Variants in GRM7 observed in about 807,000 individuals in gnomAD.
GRM7 encodes the protein metabotropic glutamate receptor 7.
A neutral mutation model predicts 84.5 loss-of-function variants in GRM7; 35 were observed. The ratio of observed to expected loss-of-function variants is 0.41; its 90% CI spans 0.32 to 0.55. GRM7 has a LOEUF of 0.55. Ranked by LOEUF, GRM7 falls within the 20% of genes least tolerant of loss-of-function variation. The pLI is 0.19. For missense variants in GRM7, 1,003 were observed against 1,194.6 expected, an observed-to-expected ratio of 0.84 and a Z score of 2.36; for synonymous variants, 487 against 455.1, an observed-to-expected ratio of 1.07 and a Z score of -0.89.
In GRM7 at chr3:7,432,532, G is replaced by A. The variant is rs1426617388; in HGVS notation, c.1174+17369G>A. Among the ~76,000 whole-genome samples, 5 of 152,126 alleles carry A rather than the reference G, an allele frequency of 3.3e-5. No individual in the cohort carries two copies. The East Asian group carries it at 9.7e-4, about 29-fold the overall frequency. On this transcript the variant is annotated intron_variant, in intron 5 of 9. Transcript: ENST00000357716. ...AGATGAGGTTTTACCATGTTAGCCA[G>A]GCTGGTCTCAAACTCCTAACCTCAG... is the stretch of plus-strand genomic sequence containing the variant.
intron 4 of GRM7, among the ~76,000 whole-genome samples, chr3:7,363,438 G>A (rs985122470): frequency 6.6e-6 from 1 of 152,092 alleles, no homozygotes; most frequent in African/African-American, 2.4e-5. Context: ...AGCAGGTCAT[G>A]CAGTATAACG....
At chr3:6,974,133 G>A (rs1693887587) in intron 1 of GRM7, among the ~76,000 whole-genome samples, 1 of 152,142 alleles carries the variant, frequency 6.6e-6, no homozygotes, top group African/African-American at 2.4e-5. Flanking sequence ...AAACATGAAA[G>A]TAAAAGAGCA....
intron 2 of GRM7, among the ~76,000 whole-genome samples, chr3:7,152,311 A>G (rs1694310852): frequency 6.6e-6 from 1 of 152,230 alleles, no homozygotes; most frequent in South Asian, 2.1e-4. Flanking sequence ...TTCTTCCAGA[A>G]TAATCCCTCC....
intron 9 of GRM7, 61 bp downstream of exon 9, chr3:7,680,356 G>C (rs1222688922): frequency 5.1e-6 from 8 of 1,561,564 alleles, no homozygotes; most frequent in Non-Finnish European, 7.0e-6. Context: ...TAGAAGATGT[G>C]GGGTGTGCTT....
intron 7 of GRM7, among the ~76,000 whole-genome samples, chr3:7,526,283 T>G (rs1700804275): frequency 6.6e-6 from 1 of 152,172 alleles, no homozygotes; most frequent in Admixed American, 6.6e-5. Context: ...AGTGTCTCTC[T>G]GCCAACTGGT....
At chr3:7,379,350 C>T (rs1247408147) in intron 4 of GRM7, among the ~76,000 whole-genome samples, 2 of 152,142 alleles carry the variant, frequency 1.3e-5, no homozygotes, top group Non-Finnish European at 2.9e-5. Context: ...GCCTAGGCCT[C>T]CCAAAGTGCT....
At chr3:7,543,986 A>G (rs866809168) in intron 7 of GRM7, among the ~76,000 whole-genome samples, 5 of 152,316 alleles carry the variant, frequency 3.3e-5, no homozygotes, top group Middle Eastern at 6.8e-3. Context: ...AAGTTCCACA[A>G]TTATGTCAGG....
chr3:7,022,568 A>G (rs2088611), intron 1 of GRM7, among the ~76,000 whole-genome samples: 5,555 of 152,000 alleles, frequency 0.037, 325 homozygotes, highest in African/African-American at 0.13. Context: ...AAAAAAACTG[A>G]CCTTTCAGGT....
Position 7,291,505 on chromosome 3 carries a change from TC to T in GRM7, c.737-7178del, listed in dbSNP as rs1699622406. 3.5e-4 allele frequency among the ~76,000 whole-genome samples: 3 copies of T among 8,534 alleles called. No individual in the cohort carries two copies. The African/African-American group carries it at 8.5e-3, about 24-fold the overall frequency. 5.6% of individuals were successfully genotyped at this position (8,534 alleles called of 152,430 possible). ...GTCATGCCAGCTCTCTCTCTCTCTC[TC>T]TCTCTCTCTCTCTCTCTCTCTCTCT... On this transcript the variant is annotated intron_variant, in intron 2 of 9. Coordinates refer to ENST00000357716, the MANE Select transcript of GRM7 (RefSeq NM_000844.4).
intron 6 of GRM7, among the ~76,000 whole-genome samples, chr3:7,455,907 C>T (rs1353826015): frequency 6.6e-6 from 1 of 151,756 alleles, no homozygotes; most frequent in African/African-American, 2.4e-5. Flanking sequence ...ATTTAAAACG[C>T]ACAACATTGT....
At chr3:7,664,013 G>T (rs1407226143) in intron 8 of GRM7, among the ~76,000 whole-genome samples, 3 of 152,218 alleles carry the variant, frequency 2.0e-5, no homozygotes, top group African/African-American at 4.8e-5. Flanking sequence ...TCTAATGCGT[G>T]CAAAGCCTGT....
chr3:7,063,398 G>A (rs1234646140), intron 1 of GRM7, among the ~76,000 whole-genome samples: 1 of 151,698 alleles, frequency 6.6e-6, no homozygotes, highest in African/African-American at 2.4e-5. Flanking sequence ...AGACTAAGCA[G>A]GTGAAGCTGG....
At chr3:7,231,360 A>G (rs1472910) in intron 2 of GRM7, among the ~76,000 whole-genome samples, 128,249 of 152,174 alleles carry the variant, frequency 0.84, 54,240 homozygotes, top group East Asian at 0.98. Flanking sequence ...TTTCTTTGAA[A>G]TTTAATCAAA....
At chr3:6,999,329 C>A (rs539876611) in intron 1 of GRM7, among the ~76,000 whole-genome samples, 2 of 152,308 alleles carry the variant, frequency 1.3e-5, no homozygotes, top group South Asian at 4.1e-4. Flanking sequence ...TGGTCAAAGT[C>A]ATTCAACAGG....
At chr3:6,871,613 C>A (rs986475193) in intron 1 of GRM7, among the ~76,000 whole-genome samples, 2 of 151,626 alleles carry the variant, frequency 1.3e-5, no homozygotes. Flanking sequence ...TGTGGCTTAA[C>A]CAAAATTCTG....
chr3:7,331,860 T>A (rs1399531116), intron 4 of GRM7, among the ~76,000 whole-genome samples: 1 of 152,102 alleles, frequency 6.6e-6, no homozygotes, highest in Non-Finnish European at 1.5e-5. Context: ...TCAATGTCAA[T>A]TATATTTTTT....
intron 4 of GRM7, among the ~76,000 whole-genome samples, chr3:7,361,222 C>CT (rs1040156493): frequency 1.3e-5 from 2 of 151,986 alleles, no homozygotes; most frequent in African/African-American, 2.4e-5. Flanking sequence ...ATAAGTGTTT[C>CT]TTTTTTTTAA....
intron 1 of GRM7, among the ~76,000 whole-genome samples, chr3:6,873,821 T>C (rs556260360): frequency 2.2e-4 from 33 of 152,362 alleles, no homozygotes; most frequent in African/African-American, 7.2e-4. Flanking sequence ...TTCCTGGCAT[T>C]TATTGTTGCC....
chr3:7,141,022 A>G (rs1693928594), intron 1 of GRM7, among the ~76,000 whole-genome samples: 1 of 152,058 alleles, frequency 6.6e-6, no homozygotes. Flanking sequence ...TAATTTAACT[A>G]TATATTTGTT....
Sources: allele counts gnomAD v4.1 joint callset (sites outside exome capture counted in the v4.1 genomes callset), GRCh38; gene constraint gnomAD v4.1.1; transcripts MANE v1.5; gene names NCBI Gene and HGNC (gene_info 2026-07-23, HGNC 2026-07-21).